The following ATG4B variants were observed in gnomAD, a reference collection of about 807,000 sequenced individuals.
The protein encoded by ATG4B is autophagy related 4B cysteine peptidase, also known as cysteine protease ATG4B.
ATG4B carries 29 observed loss-of-function variants against 56.6 expected under a neutral mutation model. That is an observed-to-expected ratio of 0.51 (90% CI 0.38 to 0.70). The LOEUF (loss-of-function observed/expected upper bound fraction) is 0.70. Among genes scored for constraint, ATG4B ranks in the 30% least tolerant of loss-of-function variants. ATG4B has a pLI of 0.00. For synonymous variants in ATG4B, 224 were observed against 206.1 expected (o/e 1.09, Z -0.74); for missense variants, 461 against 515.5 (o/e 0.89, Z 1.02).
At chr2:241,642,932 G>C (rs1006118451) in intron 1 of ATG4B, among the ~76,000 whole-genome samples, 1 of 136,066 alleles carries the variant, frequency 7.3e-6, no homozygotes, top group Non-Finnish European at 1.5e-5. Flanking sequence ...AGACTGGCTG[G>C]AGTGCAGTGG....
intron 1 of ATG4B, among the ~76,000 whole-genome samples, chr2:241,640,303 A>G (rs2067845009): frequency 6.6e-6 from 1 of 152,230 alleles, no homozygotes; most frequent in South Asian, 2.1e-4. Context: ...GTTTATGCTG[A>G]TAAAAACGTA....
At chr2:241,662,597 T>C (rs186127406) in intron 7 of ATG4B, among the ~76,000 whole-genome samples, 1 of 152,324 alleles carries the variant, frequency 6.6e-6, no homozygotes, top group East Asian at 1.9e-4. Context: ...CCGGCCCAGC[T>C]ACGCATCAGC....
At position 241,671,792 on chromosome 2, in the gene ATG4B, G is replaced by A. The variant is rs377014340; in HGVS notation, c.1108+387G>A. On this transcript the variant is annotated intron_variant, in intron 12 of 12. Transcript: ENST00000404914. ...GTAGACCCCTCGGACCATGGCCAGCGTGCCGCAGGAGCCGGCCTGGGCTCG... is the reference window on the plus strand; with the variant it reads ...GTAGACCCCTCGGACCATGGCCAGCATGCCGCAGGAGCCGGCCTGGGCTCG... 30 of 1,275,624 alleles carry A rather than the reference G, an allele frequency of 2.4e-5. 1 individual carries two copies. Among genetic ancestry groups the A allele is most frequent in the South Asian group, 6.5e-5 (4 of 61,098 alleles). 79.0% of individuals were successfully genotyped at this position (1,275,624 alleles called of 1,614,324 possible). A position where few individuals can be genotyped will look rare whatever the true frequency, so the allele number is the denominator to read the frequency against.
intron 1 of ATG4B, among the ~76,000 whole-genome samples, chr2:241,643,364 A>ATTTTTTT (rs71049595): frequency 9.1e-6 from 1 of 109,820 alleles, no homozygotes; most frequent in African/African-American, 3.6e-5. Flanking sequence ...ACGCCTAGCT[A>ATTTTTTT]TTTTTTTTTT....
rs1459520063 is a variant in ATG4B, at chr2:241,637,705, G to T, written c.-10G>T. The T allele has an allele frequency of 1.3e-6, 2 of 1,583,886 alleles. No homozygotes were observed. The highest frequency in any genetic ancestry group is 8.6e-7 in the Non-Finnish European group (1 of 1,167,864). On this transcript the variant is annotated 5_prime_UTR_variant, in exon 1 of 13. Coordinates refer to ENST00000404914, the MANE Select transcript of ATG4B (RefSeq NM_013325.5). The stretch of plus-strand genomic sequence containing the variant: ...CGCCGCTCGGGTCAGTCGGCGGCCG[G>T]ACTGGGAAGATGGACGCAGGTGAGG...
intron 3 of ATG4B, among the ~76,000 whole-genome samples, chr2:241,652,822 G>A (rs2068263676): frequency 6.6e-6 from 1 of 152,248 alleles, no homozygotes; most frequent in African/African-American, 2.4e-5. Context: ...AAGCCCAGAG[G>A]TGGGCACAGG....
In ATG4B at chr2:241,673,263, C is replaced by T. The variant is rs1419572875; in HGVS notation, c.*999C>T. 3.1e-6 allele frequency: 1 copy of T among 327,104 alleles called. No individual in the cohort carries two copies. Among genetic ancestry groups the T allele is most frequent in the Non-Finnish European group, 6.1e-6 (1 of 163,442 alleles). 20.3% of individuals were successfully genotyped at this position (327,104 alleles called of 1,614,324 possible). On this transcript the variant is annotated 3_prime_UTR_variant, in exon 13 of 13. Coordinates refer to ENST00000404914, the MANE Select transcript of ATG4B (RefSeq NM_013325.5). ...TCACCTGGTGGCATTTCCAGAACCT[C>T]AGCCCCGATTCCAGCACCCACCACC...
intron 7 of ATG4B, 149 bp from the exon 8 acceptor site, chr2:241,666,496 T>C: frequency 1.2e-6 from 1 of 838,090 alleles, no homozygotes; most frequent in Non-Finnish European, 1.9e-6. Flanking sequence ...TTTCTTACGC[T>C]TTTCTATATT....
chr2:241,660,808 A>G (rs1372414422), intron 7 of ATG4B, among the ~76,000 whole-genome samples: 1 of 152,132 alleles, frequency 6.6e-6, no homozygotes, highest in Non-Finnish European at 1.5e-5. Flanking sequence ...TCACTGCCCC[A>G]TCCTCCCTCC....
intron 1 of ATG4B, among the ~76,000 whole-genome samples, chr2:241,650,211 G>A (rs920226020): frequency 1.3e-5 from 2 of 152,230 alleles, no homozygotes; most frequent in African/African-American, 4.8e-5. Flanking sequence ...CATGGAAGTG[G>A]TGGCATGCTC....
chr2:241,647,686 A>G lies in ATG4B; in HGVS notation c.11-3324A>G, dbSNP rs187456297. ...GTGGTGTTTTCATCCTTTTTCCTTG[A>G]GAATAAGTTTTCTGGATTTTAGTCT... is the stretch of plus-strand genomic sequence containing the variant. On this transcript the variant is annotated intron_variant, in intron 1 of 12. Coordinates refer to ENST00000404914, the MANE Select transcript of ATG4B (RefSeq NM_013325.5). 2.9e-3 allele frequency among the ~76,000 whole-genome samples: 434 copies of G among 151,762 alleles called. 3 individuals are homozygous for G. Among genetic ancestry groups the G allele is most frequent in the African/African-American group, 1.0e-2 (413 of 41,438 alleles).
intron 12 of ATG4B, 168 bp from the exon 13 acceptor site, chr2:241,672,023 A>G (rs938899984): frequency 2.4e-6 from 3 of 1,237,488 alleles, no homozygotes; most frequent in South Asian, 1.7e-5. Context: ...CCCTCCCCCC[A>G]TATTCGCAGG....
chr2:241,658,669 A>G (rs948726771), intron 6 of ATG4B, among the ~76,000 whole-genome samples: 2 of 152,198 alleles, frequency 1.3e-5, no homozygotes, highest in Admixed American at 1.3e-4. Context: ...AGATTTCTCT[A>G]TAAGGACTCA....
At chr2:241,643,250 A>AC in intron 1 of ATG4B, among the ~76,000 whole-genome samples, 1 of 150,736 alleles carries the variant, frequency 6.6e-6, no homozygotes. Context: ...CATCGCTCAG[A>AC]CTGGAGTATG....
At chr2:241,637,787 T>A (rs1328864208) in intron 1 of ATG4B, 63 bp downstream of exon 1, 2 of 1,486,944 alleles carry the variant, frequency 1.3e-6, no homozygotes, top group East Asian at 2.8e-5. Context: ...TGGCCTCCCC[T>A]GCTCGGGTCG....
rs1421991631 is a variant in ATG4B at position 241,650,278 on chromosome 2, G to A, written c.11-732G>A. Among the ~76,000 whole-genome samples the A allele has an allele frequency of 3.9e-5, 6 of 152,276 alleles. No homozygotes were observed. The East Asian group carries it at 1.2e-3, about 29-fold the overall frequency. On this transcript the variant is annotated intron_variant, in intron 1 of 12. Transcript: ENST00000404914. ...TCAGTCCTTGATCACTAGGCTTTTT[G>A]TACCCGGGTACCTCTGGGGACTTGG...
At chr2:241,654,676 C>A in intron 5 of ATG4B, 29 bp downstream of exon 5, 3 of 1,552,438 alleles carry the variant, frequency 1.9e-6, no homozygotes, top group East Asian at 4.7e-5. Context: ...TGCCAGGCCC[C>A]ACCCGGGCTG....
intron 1 of ATG4B, among the ~76,000 whole-genome samples, chr2:241,647,544 C>T (rs972638503): frequency 3.4e-5 from 5 of 148,384 alleles, no homozygotes; most frequent in Admixed American, 6.9e-5. Context: ...TGGCATGAGC[C>T]GGGAGGCAGA....
intron 6 of ATG4B, among the ~76,000 whole-genome samples, chr2:241,655,969 A>G (rs1372200804): frequency 2.0e-5 from 3 of 151,962 alleles, no homozygotes; most frequent in African/African-American, 7.3e-5. Flanking sequence ...GTCTGATTCC[A>G]TGTGTCCTGG....
Sources: allele counts gnomAD v4.1 joint callset (sites outside exome capture counted in the v4.1 genomes callset), GRCh38; gene constraint gnomAD v4.1.1; transcripts MANE v1.5; gene names NCBI Gene and HGNC (gene_info 2026-07-23, HGNC 2026-07-21).